The following ABCD2 variants were observed in gnomAD, a reference collection of about 807,000 sequenced individuals.
ABCD2 encodes the protein ATP binding cassette subfamily D member 2.
Under a neutral mutation model 70.9 loss-of-function variants are expected in ABCD2, and 36 were observed. The observed-to-expected ratio is 0.51, with a 90% CI of 0.39 to 0.67. ABCD2 has a LOEUF of 0.67. Ranked by LOEUF, ABCD2 falls within the 30% of genes least tolerant of loss-of-function variation. The probability of loss-of-function intolerance (pLI) is 0.00; values close to 1 mark genes in which losing one functional copy is unlikely to be tolerated. For missense variants in ABCD2, 729 were observed against 890.2 expected (o/e 0.82, Z 2.30); for synonymous variants, 304 against 306.9 (o/e 0.99, Z 0.10).
At chr12:39,562,651 A>G (rs1213892922) in intron 9 of ABCD2, among the ~76,000 whole-genome samples, 1 of 152,154 alleles carries the variant, frequency 6.6e-6, no homozygotes, top group African/African-American at 2.4e-5. Flanking sequence ...AGAAAATGTC[A>G]ACAGACAAAT....
At chr12:39,579,511 G>C in intron 8 of ABCD2, 24 bp downstream of exon 8, 1 of 1,565,114 alleles carries the variant, frequency 6.4e-7, no homozygotes, top group Non-Finnish European at 8.8e-7. Flanking sequence ...TGGCCTAGTA[G>C]TTACCTGAAT....
At chr12:39,578,184 A>G (rs1247885870) in intron 8 of ABCD2, among the ~76,000 whole-genome samples, 1 of 152,222 alleles carries the variant, frequency 6.6e-6, no homozygotes, top group African/African-American at 2.4e-5. Flanking sequence ...CTTAATTATT[A>G]AAAGTGAGGG....
rs1168064833 is a variant in ABCD2, at chr12:39,617,040, T to C, written c.1068A>G (p.Gly356=). ...TAATAGGTATAGCCACCATAATTAG[T>C]CCACTGCTGCTCCAAACATACTTCA... ...FLMKYVWSSS[G]LIMVAIPIIT... is the part of the protein sequence containing the mutation. Residue 356 remains glycine (G), a synonymous_variant, in exon 2 of 10, where the codon GGA becomes GGG. Coordinates refer to ENST00000308666, the MANE Select transcript of ABCD2 (RefSeq NM_005164.4). 2 of 1,612,432 alleles carry C rather than the reference T, an allele frequency of 1.2e-6. No homozygotes were observed. The highest frequency in any genetic ancestry group is 1.7e-6 in the Non-Finnish European group (2 of 1,179,216).
rs563343430 is a variant in ABCD2, at chr12:39,585,117, G to A, written c.1792+1035C>T. 3.3e-5 allele frequency among the ~76,000 whole-genome samples: 5 copies of A among 152,280 alleles called. No individual in the cohort carries two copies. The East Asian group carries it at 5.8e-4, about 18-fold the overall frequency. On this transcript the variant is annotated intron_variant, in intron 7 of 9. Coordinates refer to ENST00000308666, the MANE Select transcript of ABCD2 (RefSeq NM_005164.4). ...TATGTAAATTGCTTTGGGCAACATA[G>A]CCATTTTAATGATATTGATTCTTCC...
intron 9 of ABCD2, among the ~76,000 whole-genome samples, chr12:39,559,249 G>A (rs1297316980): frequency 6.6e-6 from 1 of 151,796 alleles, no homozygotes; most frequent in East Asian, 1.9e-4. Flanking sequence ...GTGTGTGCCT[G>A]TACTCTCAGC....
the ABCD2 span, among the ~76,000 whole-genome samples, chr12:39,532,343 C>T: frequency 6.6e-6 from 1 of 152,196 alleles, no homozygotes; most frequent in Non-Finnish European, 1.5e-5. Context: ...AAACGTGAAG[C>T]TGACATCTGA....
intron 9 of ABCD2, among the ~76,000 whole-genome samples, chr12:39,566,194 A>G (rs1489542558): frequency 6.6e-6 from 1 of 152,212 alleles, no homozygotes; most frequent in East Asian, 1.9e-4. Context: ...GAATAGTTTC[A>G]GAAAGAATGG....
intron 2 of ABCD2, among the ~76,000 whole-genome samples, chr12:39,608,405 G>A (rs138525110): frequency 0.017 from 2,613 of 152,130 alleles, 28 homozygotes; most frequent in Non-Finnish European, 0.027. Flanking sequence ...ACTACTGGGC[G>A]GCCAGGTGCG....
chr12:39,604,874 A>T lies in ABCD2; in HGVS notation c.1293T>A (p.Asp431Glu). 6.2e-7 allele frequency: 1 copy of T among 1,612,522 alleles called. No homozygotes were observed. The highest frequency in any genetic ancestry group is 8.5e-7 in the Non-Finnish European group (1 of 1,179,234). Residue 431 changes from aspartate (D) to glutamate (E), a missense_variant, in exon 4 of 10, where the codon GAT becomes GAA. Asp to Glu is a conservative substitution (Grantham distance 45). This residue lies in a region of ABCD2 where 195 missense variants were observed against 300.2 expected (regional missense o/e 0.65). Transcript: ENST00000308666. ...TCTTATAAATGCCTCTTTTTACTTCATCAAAGACCCAAAACATATTGTACA... is the reference window on the plus strand; with the variant it reads ...TCTTATAAATGCCTCTTTTTACTTCTTCAAAGACCCAAAACATATTGTACA... ...ARVYNMFWVFDEVKRGIYKRT... is the reference protein window; with the variant it reads ...ARVYNMFWVFEEVKRGIYKRT...
At chr12:39,544,765 G>A in the ABCD2 span, among the ~76,000 whole-genome samples, 15 of 152,308 alleles carry the variant, frequency 9.8e-5, no homozygotes, top group East Asian at 2.7e-3. Context: ...GTGAACCCCA[G>A]GGTGAGAAGA....
chr12:39,600,696 A>G lies in ABCD2; in HGVS notation c.1521T>C (p.Leu507=), dbSNP rs760649603. The G allele has an allele frequency of 4.3e-6, 7 of 1,610,608 alleles. No homozygotes were observed. The East Asian group carries it at 1.6e-4, about 36-fold the overall frequency. Residue 507 remains leucine (L), a synonymous_variant, in exon 6 of 10, where the codon CTT becomes CTC. Transcript: ENST00000308666. ...CACAACCATTGGGACCAGTTATCAA[A>G]AGATGCATTCCTTCTTCTACCTAAA... The part of the protein sequence containing the change: ...LNFKVEEGMH[L]LITGPNGCGK...
chr12:39,604,951 T>C (rs371186481), intron 3 of ABCD2, 21 bp from the exon 4 acceptor site: 2 of 1,536,472 alleles, frequency 1.3e-6, no homozygotes, highest in African/African-American at 1.4e-5. Flanking sequence ...CACAGAGATA[T>C]AAAATAGAGT....
chr12:39,566,250 G>A (rs545334779), intron 9 of ABCD2, among the ~76,000 whole-genome samples: 21 of 152,198 alleles, frequency 1.4e-4, no homozygotes, highest in Admixed American at 1.0e-3. Flanking sequence ...CTGTGAATCC[G>A]TCTGGTCCTG....
At chr12:39,566,432 G>C (rs766918570) in intron 9 of ABCD2, among the ~76,000 whole-genome samples, 57 of 152,136 alleles carry the variant, frequency 3.7e-4, no homozygotes, top group African/African-American at 5.3e-4. Flanking sequence ...TGTTTATAGT[G>C]TTTGCTGATG....
At chr12:39,537,332 G>C in the ABCD2 span, among the ~76,000 whole-genome samples, 1 of 152,122 alleles carries the variant, frequency 6.6e-6, no homozygotes, top group South Asian at 2.1e-4. Context: ...TCTATAACCT[G>C]AGTAAAAGAA....
rs907760793 is a variant in ABCD2 at position 39,608,741 on chromosome 12, C to A, written c.1121-1027G>T. 3.3e-5 allele frequency among the ~76,000 whole-genome samples: 5 copies of A among 152,008 alleles called. No homozygotes were observed. In the South Asian group the frequency reaches 1.0e-3, roughly 32 times the overall value. On this transcript the variant is annotated intron_variant, in intron 2 of 9. Transcript: ENST00000308666. ...AATAAAATATAAAATAAAATACCTA[C>A]TGGGCAATAAAATAGTATTGATCTG...
intron 7 of ABCD2, among the ~76,000 whole-genome samples, chr12:39,580,497 T>C (rs1028857736): frequency 4.6e-5 from 7 of 152,230 alleles, no homozygotes; most frequent in Admixed American, 3.9e-4. Context: ...ATCATCATTG[T>C]CTTTCTGTAA....
At position 39,553,121 on chromosome 12, in the gene ABCD2, A is replaced by T. The variant is rs1005244951; in HGVS notation, c.*791T>A. On this transcript the variant is annotated 3_prime_UTR_variant, in exon 10 of 10. Transcript: ENST00000308666. ...TGTAGACTCATCCTTGGGCAAAAAA[A>T]CAAGCTGTGTATTTCTGAACAGAAG... 4.6e-5 allele frequency: 7 copies of T among 151,998 alleles called. No individual in the cohort carries two copies. The highest frequency in any genetic ancestry group is 3.3e-4 in the Admixed American group (5 of 15,258). The allele number at this position is 151,998 out of a possible 1,614,324, so 9.4% of individuals were successfully genotyped here.
rs1778890767 is a variant in ABCD2 at position 39,550,849 on chromosome 12, A to G, written c.*3063T>C. The G allele has an allele frequency of 6.6e-6, 1 of 151,682 alleles. No individual in the cohort carries two copies. Among genetic ancestry groups the G allele is most frequent in the Non-Finnish European group, 1.5e-5 (1 of 67,638 alleles). 9.4% of individuals were successfully genotyped at this position (151,682 alleles called of 1,614,324 possible). ...TAACATTCTCTGGACTTGGGTTTCA[A>G]TGTGTAACAGATTTTCCTAGACTCA... On this transcript the variant is annotated 3_prime_UTR_variant, in exon 10 of 10. Transcript: ENST00000308666.
Sources: allele counts gnomAD v4.1 joint callset (sites outside exome capture counted in the v4.1 genomes callset), GRCh38; gene constraint gnomAD v4.1.1; regional missense constraint gnomAD v4.1.1; transcripts MANE v1.5; gene names NCBI Gene and HGNC (gene_info 2026-07-23, HGNC 2026-07-21).